The following TMEM265 variants were observed in gnomAD, a reference collection of about 807,000 sequenced individuals.
TMEM265 encodes the protein transmembrane protein 265.
In TMEM265, 8 loss-of-function variants were observed where a neutral mutation model predicts 9.5. That is an observed-to-expected ratio of 0.84 (90% confidence interval 0.49 to 1.52). TMEM265 has a LOEUF of 1.52. Ranked by LOEUF, TMEM265 falls within the 40% of genes most tolerant of loss-of-function variation. The pLI is 0.00. For synonymous variants in TMEM265, 53 were observed against 56.9 expected (o/e 0.93, Z 0.31); for missense variants, 152 against 146.2 (o/e 1.04, Z -0.21).
chr16:30,741,712 C>A, intron 1 of TMEM265, 29 bp from the exon 2 acceptor site: 1 of 1,519,928 alleles, frequency 6.6e-7, no homozygotes, highest in South Asian at 1.2e-5. Flanking sequence ...TGTTGTTGGG[C>A]TCACAAGTAC....
chr16:30,744,063 C>T lies in TMEM265; in HGVS notation c.*120C>T, dbSNP rs2053241811. 1 of 1,213,768 alleles carries T rather than the reference C, an allele frequency of 8.2e-7. No individual in the cohort carries two copies. The highest frequency in any genetic ancestry group is 2.7e-5 in the Admixed American group (1 of 36,582). The allele number at this position is 1,213,768 out of a possible 1,614,324, so 75.2% of individuals were successfully genotyped here. On this transcript the variant is annotated 3_prime_UTR_variant, in exon 3 of 3. Coordinates refer to ENST00000615541, the MANE Select transcript of TMEM265 (RefSeq NM_001256829.2). ...CTGGTTGGAAGGATGGGGACTCTCTCAAGGGGCTTTGGAAGAGCTCTTCTA... is the reference window on the plus strand; with the variant it reads ...CTGGTTGGAAGGATGGGGACTCTCTTAAGGGGCTTTGGAAGAGCTCTTCTA...
Position 30,744,370 on chromosome 16 carries a change from T to C in TMEM265, c.*427T>C, listed in dbSNP as rs2053243713. The C allele has an allele frequency of 6.5e-6, 1 of 154,812 alleles. No individual in the cohort carries two copies. Among genetic ancestry groups the C allele is most frequent in the African/African-American group, 2.4e-5 (1 of 41,592 alleles). 9.6% of individuals were successfully genotyped at this position (154,812 alleles called of 1,614,324 possible). ...ATCTGACTGATAGCAGAAGCCAGCA[T>C]CCACCTCATCCAGGAGCTCCAAGAG... is the stretch of plus-strand genomic sequence containing the variant. On this transcript the variant is annotated 3_prime_UTR_variant, in exon 3 of 3. Coordinates refer to ENST00000615541, the MANE Select transcript of TMEM265 (RefSeq NM_001256829.2).
chr16:30,743,887 A>G lies in TMEM265; in HGVS notation c.271A>G (p.Ile91Val). ...ASFAVWLAVL[I>V]LGPLLLWLLS... ...CTTTGCTGTCTGGCTTGCTGTCCTC[A>G]TTCTGGGTCCCCTGCTGCTGTGGTT... The change falls in exon 3 of 3, where the codon ATT becomes GTT. Residue 91 changes from isoleucine to valine, a missense_variant. By Grantham distance (29) the Ile-to-Val change is conservative. Coordinates refer to ENST00000615541, the MANE Select transcript of TMEM265 (RefSeq NM_001256829.2). The G allele has an allele frequency of 6.5e-7, 1 of 1,533,892 alleles. No individual in the cohort carries two copies. The highest frequency in any genetic ancestry group is 8.7e-7 in the Non-Finnish European group (1 of 1,146,682).
rs963219243 is a variant in TMEM265, at chr16:30,744,225, C to T, written c.*282C>T. ...TCTACCCAGCGGGAGGGGTTGAAGACCAGGCCTGGTTTTATTAGAATTCAT... is the reference window on the plus strand; with the variant it reads ...TCTACCCAGCGGGAGGGGTTGAAGATCAGGCCTGGTTTTATTAGAATTCAT... On this transcript the variant is annotated 3_prime_UTR_variant, in exon 3 of 3. Transcript: ENST00000615541. The T allele has an allele frequency of 1.8e-5, 6 of 339,232 alleles. No homozygotes were observed. The highest frequency in any genetic ancestry group is 1.3e-4 in the African/African-American group (6 of 47,324). The allele number at this position is 339,232 out of a possible 1,614,324, so 21.0% of individuals were successfully genotyped here.
chr16:30,743,853 C>A lies in TMEM265; in HGVS notation c.237C>A (p.Ile79=), dbSNP rs1256354623. ...GGGGGGCCCGGGCCCGGAAACTCAT[C>A]CTGGCCAGCTTTGCTGTCTGGCTTG... ...VRWGARARKL[I]LASFAVWLAV... Residue 79 remains isoleucine (I), a synonymous_variant, in exon 3 of 3, where the codon ATC becomes ATA. Transcript: ENST00000615541. The A allele has an allele frequency of 9.1e-6, 14 of 1,533,698 alleles. No homozygotes were observed. The Admixed American group carries it at 2.7e-4, about 30-fold the overall frequency.
chr16:30,741,676 G>C, intron 1 of TMEM265, 65 bp from the exon 2 acceptor site: 1 of 1,465,134 alleles, frequency 6.8e-7, no homozygotes, highest in Non-Finnish European at 9.1e-7. Flanking sequence ...GAGGGGTGGA[G>C]TCTGAGCAAG....
At position 30,744,038 on chromosome 16, in the gene TMEM265, C is replaced by A; in HGVS notation, c.*95C>A. 7.2e-7 allele frequency: 1 copy of A among 1,393,856 alleles called. No individual in the cohort carries two copies. The highest frequency in any genetic ancestry group is 9.5e-7 in the Non-Finnish European group (1 of 1,047,620). 86.3% of individuals were successfully genotyped at this position (1,393,856 alleles called of 1,614,324 possible). ...TGTGACAGCAGTGGTTGGAAGGATC[C>A]TGGTTGGAAGGATGGGGACTCTCTC... On this transcript the variant is annotated 3_prime_UTR_variant, in exon 3 of 3. Transcript: ENST00000615541.
rs145321629 is a variant in TMEM265 at position 30,744,906 on chromosome 16, T to A, written c.*963T>A. 158 of 152,318 alleles carry A rather than the reference T, an allele frequency of 1.0e-3. No individual in the cohort carries two copies. The highest frequency in any genetic ancestry group is 3.4e-3 in the African/African-American group (140 of 41,574). The allele number at this position is 152,318 out of a possible 1,614,324, so 9.4% of individuals were successfully genotyped here. On this transcript the variant is annotated 3_prime_UTR_variant, in exon 3 of 3. Transcript: ENST00000615541. Reference sequence around the variant, plus strand: ...ACCTCATAATATTTCAAATTTTTTTTAAAATTATGAAGTATATCATACATA... The same window carrying A: ...ACCTCATAATATTTCAAATTTTTTTAAAAATTATGAAGTATATCATACATA...
chr16:30,741,900 G>A lies in TMEM265; in HGVS notation c.157G>A (p.Ala53Thr). 6.5e-7 allele frequency: 1 copy of A among 1,533,840 alleles called. No individual in the cohort carries two copies. Among genetic ancestry groups the A allele is most frequent in the Non-Finnish European group, 8.7e-7 (1 of 1,146,612 alleles). The change falls in exon 2 of 3, where the codon GCC becomes ACC. Residue 53 changes from alanine to threonine, a missense_variant. Physicochemically the swap from Ala to Thr is moderately conservative, Grantham distance 58. Coordinates refer to ENST00000615541, the MANE Select transcript of TMEM265 (RefSeq NM_001256829.2). ...SCLGVMALVF[A>T]IKAEERHKAG... The stretch of plus-strand genomic sequence containing the variant: ...CCTGGGAGTCATGGCTCTGGTGTTT[G>A]CCATCAAGGTGAGGAGTGCAATTCC...
chr16:30,740,718 T>A lies in TMEM265; in HGVS notation c.-4+11T>A, dbSNP rs2053215870. The A allele has an allele frequency of 6.6e-6, 1 of 152,272 alleles. No individual in the cohort carries two copies. The highest frequency in any genetic ancestry group is 6.5e-5 in the Admixed American group (1 of 15,280). 9.4% of individuals were successfully genotyped at this position (152,272 alleles called of 1,614,324 possible). A position where few individuals can be genotyped will look rare whatever the true frequency, so the allele number is the denominator to read the frequency against. On this transcript the variant is annotated intron_variant, in intron 1 of 2. Transcript: ENST00000615541. ...AAGGCCTATAGCCAGGTAAGAGCCC[T>A]GTTCATTTTTACATTCTCTGTTCAC...
Position 30,743,923 on chromosome 16 carries a change from GC to G in TMEM265, c.309del (p.Ile104SerfsTer27). On this transcript the variant is annotated frameshift_variant, in exon 3 of 3. Coordinates refer to ENST00000615541, the MANE Select transcript of TMEM265 (RefSeq NM_001256829.2). LOFTEE classifies it high-confidence loss of function. ...CCTGCTGCTGTGGTTGCTCTCCTAC[GC>G]CATCGCTCAGGCTGAGTGACCCTGG... ...GPLLLWLLSY[A>X]IAQAE is the part of the protein sequence containing the mutation. 1 of 1,533,782 alleles carries G rather than the reference GC, an allele frequency of 6.5e-7. No individual in the cohort carries two copies. The highest frequency in any genetic ancestry group is 8.7e-7 in the Non-Finnish European group (1 of 1,146,640).
intron 1 of TMEM265, chr16:30,741,522 C>T: frequency 1.2e-5 from 6 of 507,030 alleles, no homozygotes; most frequent in East Asian, 6.0e-5. Context: ...CACTGGCTTG[C>T]TTTCAAAGAC....
At chr16:30,743,015 C>G (rs1329928044) in intron 2 of TMEM265, among the ~76,000 whole-genome samples, 1 of 152,038 alleles carries the variant, frequency 6.6e-6, no homozygotes, top group South Asian at 2.1e-4. Flanking sequence ...TCTTCTCAAC[C>G]CTAGACATAT....
chr16:30,742,077 G>T (rs1048491312), intron 2 of TMEM265, among the ~76,000 whole-genome samples, 169 bp downstream of exon 2: 31 of 152,226 alleles, frequency 2.0e-4, no homozygotes, highest in African/African-American at 7.0e-4. Flanking sequence ...ATAATCTAAT[G>T]AAAGAGGTGA....
intron 1 of TMEM265, 134 bp downstream of exon 1, chr16:30,740,841 A>T (rs1218336803): frequency 6.6e-6 from 1 of 152,244 alleles, no homozygotes; most frequent in Non-Finnish European, 1.5e-5. Flanking sequence ...GGCACACATC[A>T]TTCTTTGCTC....
chr16:30,741,659 G>C, intron 1 of TMEM265, 82 bp from the exon 2 acceptor site: 4 of 1,409,224 alleles, frequency 2.8e-6, no homozygotes, highest in Non-Finnish European at 3.8e-6. Context: ...AGAACAGAAT[G>C]CTCTGAGAGG....
Position 30,741,875 on chromosome 16 carries a change from C to A in TMEM265, c.132C>A (p.Cys44Ter). ...CTAGCATTATCTGTGGCTGCTCTTG[C>A]CTGGGAGTCATGGCTCTGGTGTTTG... ...AATSIICGCS[C>*]LGVMALVFAI... is the part of the protein sequence containing the mutation. Residue 44 changes from cysteine (C) to a stop codon, truncating the protein, a stop_gained, in exon 2 of 3, where the codon TGC becomes TGA. Transcript: ENST00000615541. LOFTEE classifies it high-confidence loss of function. The A allele has an allele frequency of 6.5e-7, 1 of 1,533,900 alleles. No individual in the cohort carries two copies. Among genetic ancestry groups the A allele is most frequent in the Non-Finnish European group, 8.7e-7 (1 of 1,146,712 alleles).
chr16:30,742,522 T>C (rs1485687388), intron 2 of TMEM265, among the ~76,000 whole-genome samples: 1 of 152,042 alleles, frequency 6.6e-6, no homozygotes, highest in East Asian at 1.9e-4. Flanking sequence ...CGAGGGTGAA[T>C]TGGAGGGGGC....
chr16:30,742,272 G>T (rs2053231248), intron 2 of TMEM265, among the ~76,000 whole-genome samples: 1 of 152,164 alleles, frequency 6.6e-6, no homozygotes, highest in African/African-American at 2.4e-5. Flanking sequence ...GTGAGTAAGT[G>T]TGGAAGGGCA....
Sources: allele counts gnomAD v4.1 joint callset (sites outside exome capture counted in the v4.1 genomes callset), GRCh38; gene constraint gnomAD v4.1.1; transcripts MANE v1.5; gene names NCBI Gene and HGNC (gene_info 2026-07-23, HGNC 2026-07-21).